NOS1AP: variants seen among roughly 807,000 people sequenced by gnomAD.
NOS1AP encodes nitric oxide synthase 1 adaptor protein.
NOS1AP carries 21 observed loss-of-function variants against 56.2 expected under a neutral mutation model. That is an observed-to-expected ratio of 0.37 (90% CI 0.26 to 0.54). NOS1AP has a LOEUF of 0.54. NOS1AP is among the 20% of genes least tolerant of loss of function. NOS1AP has a pLI of 0.84. For missense variants in NOS1AP, 522 were observed against 657.8 expected (o/e 0.79, Z 2.26); for synonymous variants, 270 against 274.6 (o/e 0.98, Z 0.17).
intron 2 of NOS1AP, among the ~76,000 whole-genome samples, chr1:162,208,319 C>T (rs1652233392): frequency 6.6e-6 from 1 of 152,196 alleles, no homozygotes; most frequent in Non-Finnish European, 1.5e-5. Flanking sequence ...TCACATCCCA[C>T]CTTGTCTTTT....
chr1:162,093,306 G>A (rs1325039537), intron 1 of NOS1AP, among the ~76,000 whole-genome samples: 1 of 152,074 alleles, frequency 6.6e-6, no homozygotes, highest in African/African-American at 2.4e-5. Context: ...CACTGTGCTA[G>A]ATGTTAGGGA....
intron 2 of NOS1AP, among the ~76,000 whole-genome samples, chr1:162,220,300 T>G (rs1323580463): frequency 6.6e-6 from 1 of 152,078 alleles, no homozygotes; most frequent in Non-Finnish European, 1.5e-5. Context: ...ACCTCCCTCA[T>G]TTTGATTCAG....
intron 1 of NOS1AP, among the ~76,000 whole-genome samples, chr1:162,104,184 A>C (rs1647408145): frequency 6.6e-6 from 1 of 152,198 alleles, no homozygotes; most frequent in African/African-American, 2.4e-5. Context: ...TTGGCTGGAT[A>C]TGAAATTCTG....
chr1:162,305,724 A>G (rs1040747947), intron 4 of NOS1AP, among the ~76,000 whole-genome samples: 1 of 152,164 alleles, frequency 6.6e-6, no homozygotes, highest in African/African-American at 2.4e-5. Flanking sequence ...CCCCCACAAT[A>G]TGAAGTTATA....
chr1:162,347,983 T>C (rs1206528807), intron 6 of NOS1AP, among the ~76,000 whole-genome samples: 1 of 152,218 alleles, frequency 6.6e-6, no homozygotes, highest in Non-Finnish European at 1.5e-5. Context: ...AACCCTTTTT[T>C]TCTGGGTTCC....
intron 1 of NOS1AP, among the ~76,000 whole-genome samples, chr1:162,087,672 C>T (rs1406149236): frequency 1.3e-5 from 2 of 152,098 alleles, no homozygotes; most frequent in African/African-American, 4.8e-5. Flanking sequence ...TGATTCTTCC[C>T]ATGTATTCTG....
intron 4 of NOS1AP, among the ~76,000 whole-genome samples, chr1:162,323,682 A>G (rs1206488481): frequency 6.6e-6 from 1 of 152,188 alleles, no homozygotes; most frequent in East Asian, 1.9e-4. Context: ...TATGCGGCAG[A>G]CCCTATATGT....
chr1:162,214,583 T>A (rs535718983), intron 2 of NOS1AP, among the ~76,000 whole-genome samples: 1 of 152,354 alleles, frequency 6.6e-6, no homozygotes, highest in African/African-American at 2.4e-5. Context: ...AACCTTTCCA[T>A]CATTCAAATG....
intron 1 of NOS1AP, among the ~76,000 whole-genome samples, chr1:162,141,185 C>T (rs920061608): frequency 6.6e-6 from 1 of 152,180 alleles, no homozygotes; most frequent in African/African-American, 2.4e-5. Context: ...CCTACATGGT[C>T]TCATTTAATC....
At chr1:162,335,466 G>A (rs1303391272) in intron 5 of NOS1AP, among the ~76,000 whole-genome samples, 2 of 152,178 alleles carry the variant, frequency 1.3e-5, no homozygotes, top group Admixed American at 1.3e-4. Context: ...CTCCAAACAT[G>A]GTGATTTACC....
intron 2 of NOS1AP, among the ~76,000 whole-genome samples, chr1:162,240,224 TC>T (rs1297435006): frequency 6.7e-6 from 1 of 149,038 alleles, no homozygotes; most frequent in Non-Finnish European, 1.5e-5. Flanking sequence ...CAAGTCCCAT[TC>T]CTGCTGCACT....
rs77985308 is a variant in NOS1AP, at chr1:162,129,240, C to T, written c.106-25165C>T. Among the ~76,000 whole-genome samples the T allele has an allele frequency of 2.9e-3, 444 of 152,120 alleles. 3 individuals are homozygous for T. The highest frequency in any genetic ancestry group is 0.01 in the African/African-American group (416 of 41,496). On this transcript the variant is annotated intron_variant, in intron 1 of 9. Coordinates refer to ENST00000361897, the MANE Select transcript of NOS1AP (RefSeq NM_014697.3). The stretch of plus-strand genomic sequence containing the variant: ...CTGTCTTTCCTCAGGATTCTCTGTC[C>T]CCTCAATTGGCCTGAGGTCGCACAT...
chr1:162,081,774 A>ATATATATATATATATTTTTTT, intron 1 of NOS1AP, among the ~76,000 whole-genome samples: 2 of 44,060 alleles, frequency 4.5e-5, no homozygotes, highest in African/African-American at 1.5e-4. Flanking sequence ...ATATATATAT[A>ATATATATATATATATTTTTTT]TTTTTTTTTT....
intron 6 of NOS1AP, among the ~76,000 whole-genome samples, chr1:162,348,715 A>C (rs1372333439): frequency 6.6e-6 from 1 of 152,208 alleles, no homozygotes; most frequent in Non-Finnish European, 1.5e-5. Flanking sequence ...GATATGTTAA[A>C]TAATATAAAG....
intron 2 of NOS1AP, among the ~76,000 whole-genome samples, chr1:162,249,674 G>T (rs1653788414): frequency 6.6e-6 from 1 of 152,164 alleles, no homozygotes; most frequent in African/African-American, 2.4e-5. Flanking sequence ...CCTACTATGT[G>T]CTGCATAGGG....
chr1:162,308,777 A>G (rs531395075), intron 4 of NOS1AP, among the ~76,000 whole-genome samples: 18 of 152,364 alleles, frequency 1.2e-4, no homozygotes, highest in African/African-American at 3.8e-4. Context: ...ACAGGTGGTT[A>G]CTAGGACACA....
chr1:162,258,809 G>C (rs1383523163), intron 2 of NOS1AP, among the ~76,000 whole-genome samples: 1 of 152,120 alleles, frequency 6.6e-6, no homozygotes, highest in Non-Finnish European at 1.5e-5. Context: ...GGTCTTTCTA[G>C]GATTTATCAT....
chr1:162,291,646 T>C (rs950777540), intron 3 of NOS1AP, among the ~76,000 whole-genome samples: 7 of 152,198 alleles, frequency 4.6e-5, no homozygotes, highest in African/African-American at 1.4e-4. Context: ...TCAACTTTCA[T>C]TGAGTTGTAA....
Position 162,158,959 on chromosome 1 carries a change from G to A in NOS1AP, c.177+4483G>A, listed in dbSNP as rs1650083818. On this transcript the variant is annotated intron_variant, in intron 2 of 9. Coordinates refer to ENST00000361897, the MANE Select transcript of NOS1AP (RefSeq NM_014697.3). ...TATTTTCTTTTAGCTGTATAGCTTA[G>A]AACAATTCACAAAGTTTTCAGGGAA... Among the ~76,000 whole-genome samples, 3 of 152,210 alleles carry A rather than the reference G, an allele frequency of 2.0e-5. No individual in the cohort carries two copies. The South Asian group carries it at 6.2e-4, about 32-fold the overall frequency.
Sources: gnomAD v4.1 joint callset for allele counts (sites outside exome capture counted in the v4.1 genomes callset) on GRCh38, gnomAD v4.1.1 for gene constraint, MANE v1.5 for transcripts, NCBI Gene and HGNC (gene_info 2026-07-23, HGNC 2026-07-21) for gene names.